KIAA1549: variants seen among roughly 807,000 people sequenced by gnomAD.
KIAA1549 encodes KIAA1549.
A neutral mutation model predicts 156.4 loss-of-function variants in KIAA1549; 70 were observed. The ratio of observed to expected loss-of-function variants is 0.45; its 90% CI spans 0.37 to 0.55. The LOEUF is 0.55. KIAA1549 is among the 20% of genes least tolerant of loss of function. The pLI, the probability that KIAA1549 is intolerant of heterozygous loss-of-function variation, is 0.00. For missense variants in KIAA1549, 2,428 were observed against 2,540.9 expected (o/e 0.96, Z 0.96); for synonymous variants, 1,103 against 1,066.4 (o/e 1.03, Z -0.67).
In KIAA1549 at chr7:138,879,574, C is replaced by A. The variant is rs373307907; in HGVS notation, c.4309G>T (p.Val1437Phe). ...GCTCTGTGGGACCTGCCATCGTTGACGGCTCCCGGCGTCTTATCTCCTGCG... is the reference window on the plus strand; with the variant it reads ...GCTCTGTGGGACCTGCCATCGTTGAAGGCTCCCGGCGTCTTATCTCCTGCG... ...RDAGDKTPGA[V>F]NDGRSHRAPQ... The change falls in exon 12 of 20, where the codon GTC (valine) becomes TTC (phenylalanine). Residue 1437 changes from valine (V) to phenylalanine (F), a missense_variant. Val to Phe is a conservative substitution (Grantham distance 50, BLOSUM62 -1). Coordinates refer to ENST00000422774, the MANE Select transcript of KIAA1549 (RefSeq NM_001164665.2). 3.8e-6 allele frequency: 6 copies of A among 1,567,830 alleles called. No homozygotes were observed. In the African/African-American group the frequency reaches 8.1e-5, roughly 21 times the overall value.
At chr7:138,939,602 T>A (rs1813114834) in intron 1 of KIAA1549, among the ~76,000 whole-genome samples, 1 of 152,218 alleles carries the variant, frequency 6.6e-6, no homozygotes, top group Non-Finnish European at 1.5e-5. Flanking sequence ...TCAGAATCAA[T>A]GTTTTTGGCA....
At chr7:138,900,825 G>A (rs952995295) in intron 8 of KIAA1549, among the ~76,000 whole-genome samples, 1 of 152,226 alleles carries the variant, frequency 6.6e-6, no homozygotes, top group Non-Finnish European at 1.5e-5. Flanking sequence ...CAGCAAGAGG[G>A]GAAGCAGCCT....
intron 1 of KIAA1549, among the ~76,000 whole-genome samples, chr7:138,933,166 T>C (rs1812919767): frequency 6.6e-6 from 1 of 152,154 alleles, no homozygotes; most frequent in Non-Finnish European, 1.5e-5. Context: ...GTCAACTTCA[T>C]GAGCAGTTTC....
intron 8 of KIAA1549, among the ~76,000 whole-genome samples, chr7:138,899,401 A>G (rs551918670): frequency 3.4e-4 from 51 of 152,182 alleles, no homozygotes; most frequent in Non-Finnish European, 5.4e-4. Context: ...GCACAGAACC[A>G]GGGCTGGCGA....
chr7:138,893,984 C>A (rs931544763), intron 10 of KIAA1549, among the ~76,000 whole-genome samples: 6 of 152,238 alleles, frequency 3.9e-5, no homozygotes, highest in African/African-American at 1.4e-4. Context: ...GCAGGAGAAT[C>A]GCTTGAACCC....
chr7:138,896,780 T>A (rs1584738267), intron 9 of KIAA1549, among the ~76,000 whole-genome samples: 1 of 151,638 alleles, frequency 6.6e-6, no homozygotes, highest in East Asian at 1.9e-4. Context: ...TTATTATTAT[T>A]TGTAGAGATG....
At position 138,837,560 on chromosome 7, in the gene KIAA1549, A is replaced by C. The variant is rs1809755173; in HGVS notation, c.*346T>G. ...CCCACAGAAACGCTTGGTTCCTTTCATCCCTATGCTGTCTATACAGTTTAA... is the reference window on the plus strand; with the variant it reads ...CCCACAGAAACGCTTGGTTCCTTTCCTCCCTATGCTGTCTATACAGTTTAA... On this transcript the variant is annotated 3_prime_UTR_variant, in exon 20 of 20. Coordinates refer to ENST00000422774, the MANE Select transcript of KIAA1549 (RefSeq NM_001164665.2). 2 of 392,948 alleles carry C rather than the reference A, an allele frequency of 5.1e-6. No individual in the cohort carries two copies. The highest frequency in any genetic ancestry group is 7.6e-5 in the East Asian group (2 of 26,464). The allele number at this position is 392,948 out of a possible 1,614,324, so 24.3% of individuals were successfully genotyped here.
At chr7:138,846,676 A>ACACG (rs1476538266) in intron 17 of KIAA1549, among the ~76,000 whole-genome samples, 1 of 152,096 alleles carries the variant, frequency 6.6e-6, no homozygotes, top group Non-Finnish European at 1.5e-5. Flanking sequence ...GATCTCACAG[A>ACACG]CACGCCCTCC....
chr7:138,859,008 AACACACACACACACACACACACAC>A (rs57352970), intron 16 of KIAA1549, among the ~76,000 whole-genome samples: 1 of 142,360 alleles, frequency 7.0e-6, no homozygotes, highest in East Asian at 2.1e-4. Context: ...TCCATCTCAA[AACACACACACACACACACACACAC>A]ACACACACAC....
intron 2 of KIAA1549, among the ~76,000 whole-genome samples, chr7:138,915,710 G>A (rs1362118526): frequency 6.6e-6 from 1 of 151,730 alleles, no homozygotes; most frequent in African/African-American, 2.4e-5. Flanking sequence ...TACCTCTTCT[G>A]CCGTTTTCGT....
intron 1 of KIAA1549, among the ~76,000 whole-genome samples, chr7:138,932,064 C>A (rs575225080): frequency 6.6e-6 from 1 of 152,220 alleles, no homozygotes; most frequent in East Asian, 1.9e-4. Context: ...GGTCCACAAG[C>A]TTTTTGTTAT....
chr7:138,844,511 T>G (rs770309068), intron 17 of KIAA1549, 37 bp from the exon 18 acceptor site: 1 of 1,490,362 alleles, frequency 6.7e-7, no homozygotes, highest in Non-Finnish European at 8.9e-7. Flanking sequence ...AGGACTCCAC[T>G]GCACCCTGGC....
At chr7:138,861,585 G>A (rs887570262) in intron 15 of KIAA1549, 129 bp from the exon 16 acceptor site, 30 of 761,644 alleles carry the variant, frequency 3.9e-5, no homozygotes, top group Middle Eastern at 4.5e-4. Flanking sequence ...GTGCACAGTG[G>A]CTCACACCTT....
At position 138,861,394 on chromosome 7, in the gene KIAA1549, T is replaced by C. The variant is rs753292715; in HGVS notation, c.4992A>G (p.Pro1664=). The part of the protein sequence containing the change: ...TPSSVELGRY[P]ALPFPASQYI... ...ACTGGGAGGCCGGGAAGGGAAGGGC[T>C]GGATACCTCCCCAGTTCCACCGAGG... Residue 1664 remains proline (P), a synonymous_variant, in exon 16 of 20, where the codon CCA becomes CCG. Coordinates refer to ENST00000422774, the MANE Select transcript of KIAA1549 (RefSeq NM_001164665.2). The C allele has an allele frequency of 3.7e-6, 6 of 1,612,204 alleles. No homozygotes were observed. The highest frequency in any genetic ancestry group is 3.4e-6 in the Non-Finnish European group (4 of 1,179,386).
Position 138,878,322 on chromosome 7 carries a change from G to A in KIAA1549, c.4345+1216C>T, listed in dbSNP as rs73468183. ...AGGAGCCTCAAAGGCTGAGCCACCCGCGAGGCCACAAGCGTGTCAGTGAGA... is the reference window on the plus strand; with the variant it reads ...AGGAGCCTCAAAGGCTGAGCCACCCACGAGGCCACAAGCGTGTCAGTGAGA... On this transcript the variant is annotated intron_variant, in intron 12 of 19. Coordinates refer to ENST00000422774, the MANE Select transcript of KIAA1549 (RefSeq NM_001164665.2). 2.3e-3 allele frequency among the ~76,000 whole-genome samples: 350 copies of A among 152,240 alleles called. 2 individuals are homozygous for A. Among genetic ancestry groups the A allele is most frequent in the African/African-American group, 8.0e-3 (333 of 41,546 alleles).
At chr7:138,945,252 G>T (rs972864820) in intron 1 of KIAA1549, among the ~76,000 whole-genome samples, 1 of 152,190 alleles carries the variant, frequency 6.6e-6, no homozygotes, top group East Asian at 1.9e-4. Context: ...GCCCAGGAAC[G>T]CATATTGTAA....
rs1021329440 is a variant in KIAA1549 at position 138,899,165 on chromosome 7, A to C, written c.3670-33T>G. On this transcript the variant is annotated intron_variant, in intron 8 of 19. Coordinates refer to ENST00000422774, the MANE Select transcript of KIAA1549 (RefSeq NM_001164665.2). ...ATAGCAGAAACCATTCACATTGCAG[A>C]AGCTCATGTTTCTAGATGCCCTCTC... 2.5e-6 allele frequency: 4 copies of C among 1,600,766 alleles called. No homozygotes were observed. The African/African-American group carries it at 5.4e-5, about 21-fold the overall frequency.
At chr7:138,884,635 C>T (rs895682375) in intron 10 of KIAA1549, among the ~76,000 whole-genome samples, 5 of 152,180 alleles carry the variant, frequency 3.3e-5, no homozygotes, top group African/African-American at 1.2e-4. Flanking sequence ...GTTTAATTAA[C>T]CCGGTATAAT....
At chr7:138,874,968 C>A (rs1318946745) in intron 12 of KIAA1549, among the ~76,000 whole-genome samples, 2 of 152,096 alleles carry the variant, frequency 1.3e-5, no homozygotes, top group African/African-American at 4.8e-5. Context: ...GCACCCCAGC[C>A]TGGGCAACAG....
Sources: allele counts gnomAD v4.1 joint callset (sites outside exome capture counted in the v4.1 genomes callset), GRCh38; gene constraint gnomAD v4.1.1; transcripts MANE v1.5; gene names NCBI Gene and HGNC (gene_info 2026-07-23, HGNC 2026-07-21).